Variants in CCDC171 observed in about 807,000 individuals in gnomAD.
CCDC171 encodes coiled-coil domain containing 171, also known as coiled-coil domain-containing protein 171.
A neutral mutation model predicts 168.2 loss-of-function variants in CCDC171; 177 were observed. The observed-to-expected ratio is 1.05, with a 90% CI of 0.93 to 1.19. The LOEUF (loss-of-function observed/expected upper bound fraction) is 1.19, where lower values mean the gene tolerates loss of function less well. CCDC171 is among the 50% of genes most tolerant of loss of function. The pLI is 0.00. For synonymous variants in CCDC171, 687 were observed against 540.8 expected (o/e 1.27, Z -3.75); for missense variants, 1,991 against 1,539.0 (o/e 1.29, Z -4.91).
intron 18 of CCDC171, among the ~76,000 whole-genome samples, chr9:15,770,001 CAT>C (rs1393070248): frequency 1.3e-5 from 2 of 152,100 alleles, no homozygotes; most frequent in Non-Finnish European, 2.9e-5. Flanking sequence ...AAGATGAACT[CAT>C]TGACTTTAGG....
intron 7 of CCDC171, among the ~76,000 whole-genome samples, chr9:15,633,982 C>G (rs933624242): frequency 6.7e-6 from 1 of 150,126 alleles, no homozygotes; most frequent in Admixed American, 6.7e-5. Flanking sequence ...AATGAGAACA[C>G]ATGGACACAG....
At chr9:15,560,171 C>G (rs982714367) in intron 1 of CCDC171, among the ~76,000 whole-genome samples, 4 of 152,100 alleles carry the variant, frequency 2.6e-5, no homozygotes, top group African/African-American at 7.2e-5. Context: ...TTTTTTCCTT[C>G]ATTTCAACTT....
intron 23 of CCDC171, among the ~76,000 whole-genome samples, chr9:15,854,465 T>C (rs1439012598): frequency 6.6e-6 from 1 of 151,644 alleles, no homozygotes; most frequent in African/African-American, 2.4e-5. Context: ...TTTAGTAATT[T>C]AGTAACTTTT....
At chr9:15,745,480 G>A (rs773842206) in intron 17 of CCDC171, 35 bp from the exon 18 acceptor site, 10 of 1,306,758 alleles carry the variant, frequency 7.7e-6, no homozygotes, top group Non-Finnish European at 8.5e-6. Context: ...ATAAAGTTTT[G>A]TAGAATTTTA....
intron 25 of CCDC171, among the ~76,000 whole-genome samples, chr9:15,959,186 C>G (rs2132608447): frequency 6.6e-6 from 1 of 152,250 alleles, no homozygotes; most frequent in African/African-American, 2.4e-5. Context: ...TGTGTTTTAT[C>G]TGCAGTTCTA....
chr9:15,911,703 C>T (rs1045279524), intron 24 of CCDC171, among the ~76,000 whole-genome samples: 14 of 152,262 alleles, frequency 9.2e-5, no homozygotes, highest in Admixed American at 2.6e-4. Context: ...ATCTTTAATC[C>T]ACCTTGAGTT....
intron 21 of CCDC171, among the ~76,000 whole-genome samples, chr9:15,813,811 T>C (rs1411854957): frequency 1.3e-5 from 2 of 152,242 alleles, no homozygotes; most frequent in African/African-American, 2.4e-5. Flanking sequence ...TTTAAAATAC[T>C]GTAGTTTTGA....
intron 23 of CCDC171, among the ~76,000 whole-genome samples, chr9:15,853,885 G>A (rs148145314): frequency 6.6e-6 from 1 of 151,404 alleles, no homozygotes; most frequent in South Asian, 2.1e-4. Context: ...TCATCCTACT[G>A]ATGTTTTGTA....
At position 15,591,561 on chromosome 9, in the gene CCDC171, A is replaced by C. The variant is rs189589761; in HGVS notation, c.543+5A>C. On this transcript the variant is annotated splice_donor_5th_base_variant and intron_variant, in intron 5 of 25. Transcript: ENST00000380701. ...AGACTAGAGAAAACTCTACAGGTAAAATAGTTTTTATAAAGGAATTTTCCG... is the reference window on the plus strand; with the variant it reads ...AGACTAGAGAAAACTCTACAGGTAACATAGTTTTTATAAAGGAATTTTCCG... 4.4e-5 allele frequency: 64 copies of C among 1,467,276 alleles called. 1 individual carries two copies. In the East Asian group the frequency reaches 1.4e-3, roughly 32 times the overall value. 90.9% of individuals were successfully genotyped at this position (1,467,276 alleles called of 1,614,324 possible).
chr9:15,565,385 T>C (rs7849418), intron 2 of CCDC171, among the ~76,000 whole-genome samples: 1,976 of 152,302 alleles, frequency 0.013, 41 homozygotes, highest in African/African-American at 0.044. Context: ...GGTCTTGTTA[T>C]GTTGCCCAGG....
At chr9:15,855,695 C>G (rs1233112466) in intron 23 of CCDC171, among the ~76,000 whole-genome samples, 1 of 151,638 alleles carries the variant, frequency 6.6e-6, no homozygotes, top group Non-Finnish European at 1.5e-5. Context: ...TTTTATTTTA[C>G]TATACATTTT....
chr9:15,995,677 C>T (rs1179781790), intron 3 of CCDC171, among the ~76,000 whole-genome samples: 1 of 152,204 alleles, frequency 6.6e-6, no homozygotes, highest in Non-Finnish European at 1.5e-5. Flanking sequence ...TTGACAAACT[C>T]ATCAATGAAT....
At chr9:16,051,773 A>C (rs912114126) in intron 1 of CCDC171, among the ~76,000 whole-genome samples, 1 of 152,138 alleles carries the variant, frequency 6.6e-6, no homozygotes, top group Non-Finnish European at 1.5e-5. Flanking sequence ...AACTGATTTG[A>C]GCCCCCTGTA....
At chr9:15,813,605 T>TG (rs1164671096) in intron 21 of CCDC171, among the ~76,000 whole-genome samples, 1 of 124,144 alleles carries the variant, frequency 8.1e-6, no homozygotes, top group African/African-American at 3.1e-5. Context: ...TTTACATGTA[T>TG]TTGTGTGTGT....
intron 18 of CCDC171, among the ~76,000 whole-genome samples, chr9:15,748,367 G>A (rs1178378488): frequency 5.9e-5 from 9 of 152,188 alleles, no homozygotes; most frequent in African/African-American, 1.2e-4. Flanking sequence ...TGAAAGTGAC[G>A]AGGAGAGTGG....
At position 15,817,012 on chromosome 9, in the gene CCDC171, G is replaced by A. The variant is rs2059583559; in HGVS notation, c.3268-29690G>A. Reference sequence around the variant, plus strand: ...AAGATAAAAGAAGTTTTATAGTTATGTGTGTGTGTGTATTTCCTTAAGGCT... The same window carrying A: ...AAGATAAAAGAAGTTTTATAGTTATATGTGTGTGTGTATTTCCTTAAGGCT... On this transcript the variant is annotated intron_variant, in intron 21 of 25. Coordinates refer to ENST00000380701, the MANE Select transcript of CCDC171 (RefSeq NM_173550.4). Among the ~76,000 whole-genome samples the A allele has an allele frequency of 1.7e-5, 2 of 117,654 alleles. 1 individual carries two copies. The highest frequency in any genetic ancestry group is 1.6e-4 in the Admixed American group (2 of 12,498). The allele number at this position is 117,654 out of a possible 152,430, so 77.2% of individuals were successfully genotyped here.
In CCDC171 at chr9:16,043,841, A is replaced by T. The variant is rs145610965; in HGVS notation, n.89+955A>T. On this transcript the variant is annotated intron_variant and non_coding_transcript_variant, in intron 1 of 1. Coordinates refer to the CCDC171 transcript ENST00000478913. ...TACAGGGCCCTTAGGATGAGTCAAG[A>T]TCTTGTTTGGGTTTCAAAGAAAAAT... is the stretch of plus-strand genomic sequence containing the variant. Among the ~76,000 whole-genome samples, 11 of 152,300 alleles carry T rather than the reference A, an allele frequency of 7.2e-5. No homozygotes were observed. In the East Asian group the frequency reaches 1.9e-3, roughly 27 times the overall value.
chr9:15,744,596 G>T lies in CCDC171; in HGVS notation c.2373G>T (p.Lys791Asn), dbSNP rs780712257. The T allele has an allele frequency of 6.2e-7, 1 of 1,614,190 alleles. No homozygotes were observed. The highest frequency in any genetic ancestry group is 1.7e-5 in the Admixed American group (1 of 60,016). The change falls in exon 17 of 26, where the codon AAG (lysine) becomes AAT (asparagine). Residue 791 changes from lysine (K) to asparagine (N), a missense_variant. Coordinates refer to ENST00000380701, the MANE Select transcript of CCDC171 (RefSeq NM_173550.4). ...EKKQEEAKMK[K>N]KTFKGLIRIF... ...AGCAAGAGGAAGCCAAGATGAAAAA[G>T]AAAACATTCAAAGGATTGATACGTA...
At chr9:16,088,329 C>G in the CCDC171 span, among the ~76,000 whole-genome samples, 2 of 152,192 alleles carry the variant, frequency 1.3e-5, no homozygotes, top group Middle Eastern at 3.2e-3. Context: ...AGGATGCCCT[C>G]TCACCACTCC....
Sources: allele counts gnomAD v4.1 joint callset (sites outside exome capture counted in the v4.1 genomes callset), GRCh38; gene constraint gnomAD v4.1.1; transcripts MANE v1.5; gene names NCBI Gene and HGNC (gene_info 2026-07-23, HGNC 2026-07-21).